Variants in VPS13B observed in about 807,000 individuals in gnomAD.
VPS13B encodes the protein intermembrane lipid transfer protein VPS13B.
In VPS13B, 285 loss-of-function variants were observed where a neutral mutation model predicts 426.4. The observed-to-expected ratio is 0.67, with a 90% CI of 0.61 to 0.74. The LOEUF is 0.74. Among genes scored for constraint, VPS13B ranks in the 30% least tolerant of loss-of-function variants. The pLI, the probability that VPS13B is intolerant of heterozygous loss-of-function variation, is 0.00. For synonymous variants in VPS13B, 1,676 were observed against 1,676.4 expected (o/e 1.00, Z 0.01); for missense variants, 4,537 against 4,782.6 (o/e 0.95, Z 1.51).
chr8:99,432,486 T>C (rs1026288122), intron 22 of VPS13B, among the ~76,000 whole-genome samples: 1 of 152,120 alleles, frequency 6.6e-6, no homozygotes, highest in Admixed American at 6.5e-5. Flanking sequence ...AGCAGGGTGC[T>C]AAAATCCAAA....
rs373773690 is a variant in VPS13B, at chr8:99,853,830, T to C, written c.10441T>C (p.Cys3481Arg). The change falls in exon 56 of 62, where the codon TGC (cysteine) becomes CGC (arginine). Residue 3481 changes from cysteine to arginine, a missense_variant. Around this residue, in one of 2 missense-constraint regions of VPS13B, gnomAD observed 4,311 missense variants for 4,474.3 expected, o/e 0.96. Transcript: ENST00000357162. ...EYKEKCFIKLCITLNEGKSIL... is the reference protein window; with the variant it reads ...EYKEKCFIKLRITLNEGKSIL... ...CAAGGAAAAATGTTTTATCAAACTT[T>C]GCATCACCTTAAATGAAGGCAAGAG... 124 of 1,614,280 alleles carry C rather than the reference T, an allele frequency of 7.7e-5. No homozygotes were observed. Among genetic ancestry groups the C allele is most frequent in the Non-Finnish European group, 9.4e-5 (111 of 1,180,044 alleles).
chr8:99,158,978 T>A (rs1216421125), intron 15 of VPS13B, among the ~76,000 whole-genome samples: 2 of 152,202 alleles, frequency 1.3e-5, no homozygotes, highest in Non-Finnish European at 2.9e-5. Flanking sequence ...GCAAAGCAAA[T>A]TGAAAACCTT....
intron 2 of VPS13B, among the ~76,000 whole-genome samples, chr8:99,031,732 C>T (rs1842516436): frequency 6.6e-6 from 1 of 152,128 alleles, no homozygotes; most frequent in African/African-American, 2.4e-5. Context: ...AGTGGTGTGG[C>T]TTTGCTTGGG....
intron 15 of VPS13B, among the ~76,000 whole-genome samples, chr8:99,162,260 T>C (rs1811700874): frequency 6.6e-6 from 1 of 152,190 alleles, no homozygotes; most frequent in Admixed American, 6.5e-5. Context: ...AGGAAGTTTT[T>C]AAAGTTTTAG....
chr8:99,535,475 C>G (rs1277132423), intron 30 of VPS13B, among the ~76,000 whole-genome samples: 2 of 152,140 alleles, frequency 1.3e-5, no homozygotes, highest in African/African-American at 4.8e-5. Context: ...CTCATCATTT[C>G]TAACATTGAA....
chr8:99,051,992 T>A lies in VPS13B; in HGVS notation c.291+13426T>A, dbSNP rs906640639. 7.2e-5 allele frequency among the ~76,000 whole-genome samples: 11 copies of A among 152,296 alleles called. 2 individuals are homozygous for A. The highest frequency in any genetic ancestry group is 2.6e-4 in the African/African-American group (11 of 41,552). On this transcript the variant is annotated intron_variant, in intron 3 of 61. Transcript: ENST00000357162. ...CATCCACAAACAGGGACAATTTGAC[T>A]TCCTCTTTTCCTAATTGAATACCCT...
intron 7 of VPS13B, among the ~76,000 whole-genome samples, chr8:99,118,370 C>G (rs902531167): frequency 3.3e-5 from 5 of 152,108 alleles, no homozygotes; most frequent in African/African-American, 1.2e-4. Context: ...CTGTTGTTAT[C>G]TAGAGTTTCT....
chr8:99,170,145 T>C lies in VPS13B; in HGVS notation c.2315T>C (p.Leu772Pro). The change falls in exon 16 of 62, where the codon CTG becomes CCG. Residue 772 changes from leucine to proline, a missense_variant. By Grantham distance (98) the Leu-to-Pro change is moderately conservative (BLOSUM62 -3). This residue lies in a region of VPS13B where 4,311 missense variants were observed against 4,474.3 expected (regional missense o/e 0.96). Coordinates refer to ENST00000357162, the MANE Select transcript of VPS13B (RefSeq NM_152564.5). ...SFSTALYGKLLKLPTCWTKRS... is the reference protein window; with the variant it reads ...SFSTALYGKLPKLPTCWTKRS... ...AGCACTGCTCTTTATGGGAAACTTC[T>C]GAAACTCCCCACATGCTGGTAAGTC... is the stretch of plus-strand genomic sequence containing the variant. The C allele has an allele frequency of 1.2e-6, 2 of 1,612,836 alleles. No homozygotes were observed. Among genetic ancestry groups the C allele is most frequent in the South Asian group, 2.2e-5 (2 of 91,068 alleles).
intron 3 of VPS13B, among the ~76,000 whole-genome samples, chr8:99,079,849 C>T (rs1380015013): frequency 2.0e-5 from 3 of 150,898 alleles, no homozygotes; most frequent in Non-Finnish European, 4.4e-5. Context: ...CGCTTGAACC[C>T]GGGAGGTGGA....
intron 36 of VPS13B, 95 bp downstream of exon 36, chr8:99,700,027 A>T: frequency 6.9e-7 from 1 of 1,459,102 alleles, no homozygotes; most frequent in African/African-American, 1.4e-5. Context: ...TATTATGTAG[A>T]AGTTAAAAGT....
At chr8:99,457,030 CTT>C (rs1241512227) in intron 23 of VPS13B, among the ~76,000 whole-genome samples, 3 of 141,682 alleles carry the variant, frequency 2.1e-5, no homozygotes. Context: ...TTGTATCTTT[CTT>C]TTTTTTTTTT....
chr8:99,845,219 A>C (rs1051145119), intron 54 of VPS13B, among the ~76,000 whole-genome samples: 1 of 152,192 alleles, frequency 6.6e-6, no homozygotes, highest in Non-Finnish European at 1.5e-5. Context: ...GCCTATCATA[A>C]GCCTAGAACT....
In VPS13B at chr8:99,274,978, A is replaced by C. The variant is rs1818817363; in HGVS notation, c.2651-103A>C. ...AATGTATAGCTAATATTATCAAATAAAGTTGAAATGTTATATTATGGTGTT... is the reference window on the plus strand; with the variant it reads ...AATGTATAGCTAATATTATCAAATACAGTTGAAATGTTATATTATGGTGTT... On this transcript the variant is annotated intron_variant, in intron 18 of 61. Transcript: ENST00000357162. The C allele has an allele frequency of 1.3e-5, 13 of 1,028,960 alleles. No homozygotes were observed. The South Asian group carries it at 2.5e-4, about 20-fold the overall frequency. The allele number at this position is 1,028,960 out of a possible 1,614,324, so 63.7% of individuals were successfully genotyped here.
chr8:99,812,002 C>G (rs1331078172), intron 44 of VPS13B, among the ~76,000 whole-genome samples: 3 of 152,034 alleles, frequency 2.0e-5, no homozygotes, highest in Non-Finnish European at 2.9e-5. Flanking sequence ...TGAATAGATA[C>G]TATATATTTT....
intron 14 of VPS13B, 45 bp from the exon 15 acceptor site, chr8:99,156,504 A>G: frequency 1.3e-6 from 2 of 1,598,748 alleles, no homozygotes; most frequent in African/African-American, 1.3e-5. Flanking sequence ...CAACTCAGTC[A>G]CTGCTCCACT....
chr8:99,861,646 G>C, intron 57 of VPS13B, 130 bp from the exon 58 acceptor site: 2 of 1,220,392 alleles, frequency 1.6e-6, no homozygotes, highest in South Asian at 1.3e-5. Flanking sequence ...GCCTGAGAGG[G>C]AGCCACCATC....
chr8:99,488,908 T>C (rs1297697793), intron 25 of VPS13B, among the ~76,000 whole-genome samples: 1 of 152,230 alleles, frequency 6.6e-6, no homozygotes, highest in Non-Finnish European at 1.5e-5. Flanking sequence ...TTTGTCTATT[T>C]TGGCTTTTGT....
intron 39 of VPS13B, among the ~76,000 whole-genome samples, chr8:99,763,873 C>T (rs1038357725): frequency 1.3e-5 from 2 of 152,192 alleles, no homozygotes; most frequent in African/African-American, 4.8e-5. Context: ...TCCGCATATC[C>T]ATTCTCCCCT....
intron 12 of VPS13B, among the ~76,000 whole-genome samples, chr8:99,139,158 A>G (rs1810247561): frequency 6.6e-6 from 1 of 152,178 alleles, no homozygotes; most frequent in Non-Finnish European, 1.5e-5. Flanking sequence ...TGTATTCTCC[A>G]CGCACACCAA....
Sources: allele counts gnomAD v4.1 joint callset (sites outside exome capture counted in the v4.1 genomes callset), GRCh38; gene constraint gnomAD v4.1.1; regional missense constraint gnomAD v4.1.1; transcripts MANE v1.5; gene names NCBI Gene and HGNC (gene_info 2026-07-23, HGNC 2026-07-21).